Variants in EBF3 observed in about 807,000 individuals in gnomAD.
EBF3 encodes the protein transcription factor COE3.
EBF3 carries 18 observed loss-of-function variants against 77.1 expected under a neutral mutation model. The ratio of observed to expected loss-of-function variants is 0.23; its 90% CI spans 0.16 to 0.35. The LOEUF (loss-of-function observed/expected upper bound fraction) is 0.35. Among genes scored for constraint, EBF3 ranks in the 10% least tolerant of loss-of-function variants. EBF3 has a pLI of 1.00. For missense variants in EBF3, 558 were observed against 860.0 expected, an observed-to-expected ratio of 0.65 and a Z score of 4.39; for synonymous variants, 350 against 343.5, an observed-to-expected ratio of 1.02 and a Z score of -0.21.
chr10:129,869,124 A>G (rs1852235958), intron 8 of EBF3, among the ~76,000 whole-genome samples: 1 of 152,218 alleles, frequency 6.6e-6, no homozygotes, highest in Non-Finnish European at 1.5e-5. Flanking sequence ...CGGGAGGCCC[A>G]GGCCTCAGTC....
intron 4 of EBF3, 141 bp downstream of exon 4, chr10:129,962,030 T>C: frequency 2.8e-6 from 2 of 723,420 alleles, no homozygotes; most frequent in Admixed American, 2.5e-5. Flanking sequence ...TTCCAATAAA[T>C]ATGGAATTCT....
chr10:129,903,986 G>A (rs546745419), intron 6 of EBF3, among the ~76,000 whole-genome samples: 10 of 152,272 alleles, frequency 6.6e-5, no homozygotes, highest in Admixed American at 1.3e-4. Flanking sequence ...TGGAAAAGTT[G>A]CTGCCACTCT....
At chr10:129,889,801 G>GC (rs1853880700) in intron 6 of EBF3, among the ~76,000 whole-genome samples, 2 of 51,130 alleles carry the variant, frequency 3.9e-5, no homozygotes, top group South Asian at 8.2e-4. Context: ...TGTCACATCT[G>GC]CAAAAAAAAA....
At chr10:129,933,647 G>A (rs1479080827) in intron 6 of EBF3, among the ~76,000 whole-genome samples, 2 of 152,216 alleles carry the variant, frequency 1.3e-5, no homozygotes, top group Admixed American at 6.5e-5. Context: ...CACAAGCGTG[G>A]CTGAATGTTT....
chr10:129,867,311 A>G, intron 9 of EBF3, 44 bp from the exon 10 acceptor site: 1 of 1,609,530 alleles, frequency 6.2e-7, no homozygotes. Context: ...GGCGCTGGCT[A>G]TGAGAGGCGG....
At chr10:129,869,074 T>C (rs1852231626) in intron 8 of EBF3, among the ~76,000 whole-genome samples, 1 of 152,222 alleles carries the variant, frequency 6.6e-6, no homozygotes, top group African/African-American at 2.4e-5. Flanking sequence ...GATGTACAGG[T>C]CTCCTTGCTG....
At position 129,964,248 on chromosome 10, in the gene EBF3, A is replaced by G; in HGVS notation, c.-480T>C. 1 of 984,954 alleles carries G rather than the reference A, an allele frequency of 1.0e-6. No homozygotes were observed. The highest frequency in any genetic ancestry group is 4.7e-5 in the South Asian group (1 of 21,286). The allele number at this position is 984,954 out of a possible 1,614,324, so 61.0% of individuals were successfully genotyped here. A position where few individuals can be genotyped will look rare whatever the true frequency, so the allele number is the denominator to read the frequency against. The stretch of plus-strand genomic sequence containing the variant: ...CGCGCGCAGCGGACGGAGGCGCACA[A>G]AACTCAGCCCTCTCTCCCCGAGGAA... On this transcript the variant is annotated 5_prime_UTR_variant, in exon 1 of 17. Coordinates refer to ENST00000440978, the MANE Select transcript of EBF3 (RefSeq NM_001375380.1). The surrounding 1 kb of genome is among the most constrained non-coding windows in gnomAD (Gnocchi z 4.5).
chr10:129,921,445 C>G (rs1457759745), intron 6 of EBF3, among the ~76,000 whole-genome samples: 1 of 152,198 alleles, frequency 6.6e-6, no homozygotes, highest in Non-Finnish European at 1.5e-5. Flanking sequence ...AATCACCAAG[C>G]TGCCGGCGTC....
chr10:129,889,288 A>G (rs962176649), intron 6 of EBF3, among the ~76,000 whole-genome samples: 8 of 152,226 alleles, frequency 5.3e-5, no homozygotes, highest in Non-Finnish European at 1.0e-4. Flanking sequence ...GGACAAGGCC[A>G]GAGCTCGTGG....
In EBF3 at chr10:129,863,743, T is replaced by C. The variant is rs938399991; in HGVS notation, c.1039+3398A>G. 3.3e-5 allele frequency among the ~76,000 whole-genome samples: 5 copies of C among 152,192 alleles called. No individual in the cohort carries two copies. The highest frequency in any genetic ancestry group is 6.5e-5 in the Admixed American group (1 of 15,288). ...GATTACCTCATTGTCCCCATCAATT[T>C]TGGGGCAATGCAAATCAGACAGAAG... is the stretch of plus-strand genomic sequence containing the variant. On this transcript the variant is annotated intron_variant, in intron 10 of 16. Coordinates refer to ENST00000440978, the MANE Select transcript of EBF3 (RefSeq NM_001375380.1). This position sits in a 1 kb window ranked among gnomAD's most constrained non-coding sequence, Gnocchi z 4.0.
At chr10:129,933,827 A>C (rs563260890) in intron 6 of EBF3, among the ~76,000 whole-genome samples, 2 of 152,122 alleles carry the variant, frequency 1.3e-5, no homozygotes, top group South Asian at 4.2e-4. Flanking sequence ...TACTGCCCCC[A>C]GTGCCAAACA....
At chr10:129,922,617 G>T (rs1029666707) in intron 6 of EBF3, among the ~76,000 whole-genome samples, 1 of 152,234 alleles carries the variant, frequency 6.6e-6, no homozygotes, top group African/African-American at 2.4e-5. Flanking sequence ...GGCTCTCGCC[G>T]TCCTTGCACG....
intron 6 of EBF3, among the ~76,000 whole-genome samples, chr10:129,933,850 C>A (rs1381982132): frequency 6.6e-6 from 1 of 152,162 alleles, no homozygotes; most frequent in Non-Finnish European, 1.5e-5. Context: ...GGGCCTCAGC[C>A]TGGCCACGCT....
chr10:129,930,443 GTATCTA>G (rs1856931682), intron 6 of EBF3, among the ~76,000 whole-genome samples: 1 of 127,158 alleles, frequency 7.9e-6, no homozygotes. Flanking sequence ...TCATATATCT[GTATCTA>G]TATCTGTCTA....
rs555529228 is a variant in EBF3 at position 129,946,434 on chromosome 10, G to A, written c.554+10824C>T. On this transcript the variant is annotated intron_variant, in intron 6 of 16. Transcript: ENST00000440978. Reference sequence around the variant, plus strand: ...TTGTCATGACAAATGTCCCGAACCCGGTAAATATGCTGCTGACCGCAGGAC... The same window carrying A: ...TTGTCATGACAAATGTCCCGAACCCAGTAAATATGCTGCTGACCGCAGGAC... Among the ~76,000 whole-genome samples the A allele has an allele frequency of 2.4e-4, 36 of 152,322 alleles. 1 individual carries two copies. Among genetic ancestry groups the A allele is most frequent in the African/African-American group, 6.7e-4 (28 of 41,564 alleles).
intron 6 of EBF3, among the ~76,000 whole-genome samples, chr10:129,953,192 G>C (rs1858800952): frequency 6.6e-6 from 1 of 150,744 alleles, no homozygotes; most frequent in African/African-American, 2.4e-5. Context: ...GGTAGGGGGG[G>C]CGCAGAGCTG....
At chr10:129,903,451 G>T (rs768909345) in intron 6 of EBF3, among the ~76,000 whole-genome samples, 1 of 152,160 alleles carries the variant, frequency 6.6e-6, no homozygotes, top group Non-Finnish European at 1.5e-5. Flanking sequence ...CCTGTGCTCA[G>T]TGCTAAATTT....
Position 129,964,188 on chromosome 10 carries a change from C to G in EBF3, c.-420G>C, listed in dbSNP as rs1859755801. On this transcript the variant is annotated 5_prime_UTR_variant, in exon 1 of 17. Coordinates refer to ENST00000440978, the MANE Select transcript of EBF3 (RefSeq NM_001375380.1). This position sits in a 1 kb window ranked among gnomAD's most constrained non-coding sequence, Gnocchi z 4.5. ...GGCAGTGAGTGCTGCGGCGCAGTCC[C>G]GGGCGCAGGCGGGGCGCGGCGGGGC... 4.1e-6 allele frequency: 4 copies of G among 984,824 alleles called. No homozygotes were observed. The highest frequency in any genetic ancestry group is 4.8e-6 in the Non-Finnish European group (4 of 829,804). 61.0% of individuals were successfully genotyped at this position (984,824 alleles called of 1,614,324 possible).
At chr10:129,840,524 C>CGG in intron 14 of EBF3, 82 bp from the exon 15 acceptor site, 1 of 1,457,322 alleles carries the variant, frequency 6.9e-7, no homozygotes, top group Non-Finnish European at 9.3e-7. Flanking sequence ...TCGCCTCGGA[C>CGG]GGGGGGGCAG....
Sources: gnomAD v4.1 joint callset for allele counts (sites outside exome capture counted in the v4.1 genomes callset) on GRCh38, gnomAD v4.1.1 for gene constraint, Gnocchi (gnomAD v3.1) non-coding constraint, MANE v1.5 for transcripts, NCBI Gene and HGNC (gene_info 2026-07-23, HGNC 2026-07-21) for gene names.